Variants in IQCB1 observed in about 807,000 individuals in gnomAD.
The protein encoded by IQCB1 is IQ motif containing B1.
In IQCB1, 56 loss-of-function variants were observed where a neutral mutation model predicts 84.4. The observed-to-expected ratio is 0.66, with a 90% CI of 0.54 to 0.83. The LOEUF (loss-of-function observed/expected upper bound fraction) is 0.83. Among genes scored for constraint, IQCB1 ranks in the 40% least tolerant of loss-of-function variants. IQCB1 has a pLI of 0.00. For synonymous variants in IQCB1, 210 were observed against 234.8 expected, an observed-to-expected ratio of 0.89 and a Z score of 0.96; for missense variants, 629 against 682.1, an observed-to-expected ratio of 0.92 and a Z score of 0.87.
chr3:121,802,724 T>C (rs1223593764), intron 7 of IQCB1, among the ~76,000 whole-genome samples: 1 of 152,162 alleles, frequency 6.6e-6, no homozygotes, highest in Non-Finnish European at 1.5e-5. Context: ...CTTCTTTTCC[T>C]AGTTTCTTAA....
intron 4 of IQCB1, among the ~76,000 whole-genome samples, chr3:121,827,400 C>A (rs1331220535): frequency 6.6e-6 from 1 of 151,742 alleles, no homozygotes; most frequent in East Asian, 1.9e-4. Flanking sequence ...CTCTTTGGTT[C>A]CTAAAGTTAA....
intron 13 of IQCB1, among the ~76,000 whole-genome samples, chr3:121,780,347 T>A (rs955949269): frequency 6.6e-6 from 1 of 152,196 alleles, no homozygotes; most frequent in Non-Finnish European, 1.5e-5. Context: ...ATTTCATGCA[T>A]TTTATCTGCT....
At chr3:121,812,981 T>C (rs948811757) in intron 5 of IQCB1, among the ~76,000 whole-genome samples, 4 of 151,896 alleles carry the variant, frequency 2.6e-5, no homozygotes, top group Non-Finnish European at 4.4e-5. Context: ...TTCTCCAAGG[T>C]TGAAATGAAG....
intron 5 of IQCB1, among the ~76,000 whole-genome samples, chr3:121,817,260 G>T (rs568661703): frequency 5.4e-4 from 82 of 152,236 alleles, no homozygotes; most frequent in African/African-American, 1.6e-3. Context: ...GCCTGTCAGG[G>T]GGTAGGGAGC....
intron 7 of IQCB1, among the ~76,000 whole-genome samples, chr3:121,801,825 T>C (rs1181527437): frequency 6.7e-6 from 1 of 149,934 alleles, no homozygotes; most frequent in African/African-American, 2.4e-5. Context: ...TTTTTTTTTT[T>C]TTTTTTAATT....
At chr3:121,796,365 T>C (rs1300509296) in intron 9 of IQCB1, among the ~76,000 whole-genome samples, 1 of 152,096 alleles carries the variant, frequency 6.6e-6, no homozygotes, top group Non-Finnish European at 1.5e-5. Context: ...CAATGTCCCC[T>C]TTTCCTTTTA....
chr3:121,775,120 C>A (rs1350262872), intron 13 of IQCB1, among the ~76,000 whole-genome samples: 1 of 152,142 alleles, frequency 6.6e-6, no homozygotes, highest in East Asian at 1.9e-4. Flanking sequence ...GGAGAGGAGG[C>A]ATGCTTCTGT....
At chr3:121,773,863 G>A (rs1167585353) in intron 13 of IQCB1, among the ~76,000 whole-genome samples, 2 of 151,306 alleles carry the variant, frequency 1.3e-5, no homozygotes, top group African/African-American at 2.4e-5. Flanking sequence ...TTCTTCATAC[G>A]ACACCAAAGC....
intron 10 of IQCB1, among the ~76,000 whole-genome samples, chr3:121,792,928 C>T (rs1949049639): frequency 1.3e-5 from 2 of 152,162 alleles, no homozygotes; most frequent in South Asian, 4.1e-4. Flanking sequence ...GACCACCTGG[C>T]ATCTGTACTA....
In IQCB1 at chr3:121,789,717, T is replaced by G. The variant is rs1026952337; in HGVS notation, c.1129+356A>C. On this transcript the variant is annotated intron_variant, in intron 11 of 14. Transcript: ENST00000310864. ...ATGTCACAACATTTGTACTAAGGAA[T>G]GAGTTAAACTCTGATGGCAGAATGT... 4.6e-5 allele frequency among the ~76,000 whole-genome samples: 7 copies of G among 152,358 alleles called. No homozygotes were observed. In the South Asian group the frequency reaches 1.4e-3, roughly 32 times the overall value.
At position 121,788,325 on chromosome 3, in the gene IQCB1, A is replaced by G; in HGVS notation, c.1237T>C (p.Ser413Pro). 1.2e-6 allele frequency: 2 copies of G among 1,613,922 alleles called. No individual in the cohort carries two copies. Among genetic ancestry groups the G allele is most frequent in the Non-Finnish European group, 1.7e-6 (2 of 1,179,926 alleles). ...ERKNFHQQRQ[S>P]LIEYKAAVTL... The stretch of plus-strand genomic sequence containing the variant: ...ACAGCTGCTTTATACTCTATGAGAG[A>G]CTGCCTCTGTTGGTGAAAATTTTTC... The change falls in exon 12 of 15, where the codon TCT (serine) becomes CCT (proline). Residue 413 changes from serine to proline, a missense_variant. Ser to Pro is a moderately conservative substitution (Grantham distance 74, BLOSUM62 -1). Transcript: ENST00000310864.
At chr3:121,805,409 T>C (rs1949567747) in intron 7 of IQCB1, among the ~76,000 whole-genome samples, 1 of 152,192 alleles carries the variant, frequency 6.6e-6, no homozygotes, top group South Asian at 2.1e-4. Context: ...GTGGGATTTT[T>C]CTCATCCTTT....
At chr3:121,798,338 C>T (rs1949278726) in intron 8 of IQCB1, among the ~76,000 whole-genome samples, 1 of 151,842 alleles carries the variant, frequency 6.6e-6, no homozygotes. Flanking sequence ...AATTCCCATA[C>T]AGTATAACCC....
intron 8 of IQCB1, among the ~76,000 whole-genome samples, chr3:121,798,235 A>G (rs1414066436): frequency 1.4e-4 from 22 of 151,902 alleles, no homozygotes; most frequent in Admixed American, 1.4e-3. Context: ...TTCAAGGTAC[A>G]TTATTACAAT....
intron 7 of IQCB1, 127 bp downstream of exon 7, chr3:121,807,217 T>G: frequency 1.5e-6 from 1 of 652,198 alleles, no homozygotes; most frequent in Non-Finnish European, 2.9e-6. Flanking sequence ...TATACGAGTA[T>G]ATAGTGCATA....
chr3:121,799,836 T>C (rs1190491441), intron 7 of IQCB1, among the ~76,000 whole-genome samples: 2 of 151,926 alleles, frequency 1.3e-5, no homozygotes, highest in African/African-American at 4.8e-5. Flanking sequence ...TTCCTTGGTA[T>C]TTCCTTCATT....
chr3:121,828,733 G>A, intron 3 of IQCB1, 101 bp from the exon 4 acceptor site: 7 of 1,028,092 alleles, frequency 6.8e-6, no homozygotes, highest in Non-Finnish European at 1.0e-5. Flanking sequence ...ATATTAGAAG[G>A]AAAAATTACT....
At chr3:121,809,879 GA>G (rs985484200) in intron 5 of IQCB1, among the ~76,000 whole-genome samples, 35 of 151,572 alleles carry the variant, frequency 2.3e-4, no homozygotes, top group African/African-American at 8.5e-4. Flanking sequence ...TTATAATAAT[GA>G]AAGTATTTTT....
chr3:121,778,827 AC>A (rs989928873), intron 13 of IQCB1, among the ~76,000 whole-genome samples: 14 of 150,304 alleles, frequency 9.3e-5, no homozygotes, highest in African/African-American at 3.4e-4. Context: ...AATCACTTGA[AC>A]CCGGGAGGCG....
Sources: allele counts gnomAD v4.1 joint callset (sites outside exome capture counted in the v4.1 genomes callset), GRCh38; gene constraint gnomAD v4.1.1; transcripts MANE v1.5; gene names NCBI Gene and HGNC (gene_info 2026-07-23, HGNC 2026-07-21).